RCOR1: variants seen among roughly 807,000 people sequenced by gnomAD.
RCOR1 encodes REST corepressor 1.
A neutral mutation model predicts 64.0 loss-of-function variants in RCOR1; 12 were observed. The observed-to-expected ratio is 0.19, with a 90% CI of 0.12 to 0.30. RCOR1 has a LOEUF of 0.30. RCOR1 is among the 10% of genes least tolerant of loss of function. RCOR1 has a pLI of 1.00. For synonymous variants in RCOR1, 279 were observed against 227.2 expected, an observed-to-expected ratio of 1.23 and a Z score of -2.05; for missense variants, 502 against 621.2, an observed-to-expected ratio of 0.81 and a Z score of 2.04.
chr14:102,726,936 C>T lies in RCOR1; in HGVS notation c.*430C>T, dbSNP rs533479868. On this transcript the variant is annotated 3_prime_UTR_variant, in exon 12 of 12. Transcript: ENST00000262241. ...AGAGTCATTTTCAGAGTCACCGCGACCCTGTTGGCCTTCTAGAAAGTTTCT... is the reference window on the plus strand; with the variant it reads ...AGAGTCATTTTCAGAGTCACCGCGATCCTGTTGGCCTTCTAGAAAGTTTCT... 4 of 167,340 alleles carry T rather than the reference C, an allele frequency of 2.4e-5. No homozygotes were observed. Among genetic ancestry groups the T allele is most frequent in the African/African-American group, 9.5e-5 (4 of 42,036 alleles). 10.4% of individuals were successfully genotyped at this position (167,340 alleles called of 1,614,324 possible). A position where few individuals can be genotyped will look rare whatever the true frequency, so the allele number is the denominator to read the frequency against.
intron 2 of RCOR1, among the ~76,000 whole-genome samples, chr14:102,596,932 G>C (rs1245119508): frequency 6.7e-6 from 1 of 149,528 alleles, no homozygotes; most frequent in East Asian, 2.0e-4. Context: ...GAGTGCAATG[G>C]CACAATCTTG....
chr14:102,597,559 C>A (rs528842443), intron 2 of RCOR1, among the ~76,000 whole-genome samples: 5 of 150,878 alleles, frequency 3.3e-5, no homozygotes, highest in Non-Finnish European at 7.4e-5. Context: ...GAACTCCTGA[C>A]CTCAGGTGAT....
At chr14:102,723,842 G>C (rs567312126) in intron 11 of RCOR1, among the ~76,000 whole-genome samples, 6 of 152,246 alleles carry the variant, frequency 3.9e-5, no homozygotes, top group Admixed American at 1.3e-4. Flanking sequence ...AAACAGTTGG[G>C]AACGCTGGCT....
At chr14:102,605,631 T>G (rs1331192094) in intron 2 of RCOR1, among the ~76,000 whole-genome samples, 1 of 152,234 alleles carries the variant, frequency 6.6e-6, no homozygotes, top group Non-Finnish European at 1.5e-5. Flanking sequence ...ACATAGTACT[T>G]GGTAATGACA....
chr14:102,618,556 C>T (rs1025203034), intron 2 of RCOR1, among the ~76,000 whole-genome samples: 2 of 152,090 alleles, frequency 1.3e-5, no homozygotes, highest in Non-Finnish European at 2.9e-5. Flanking sequence ...TGCCATGAGC[C>T]GTCATCATGC....
chr14:102,701,363 A>T, intron 4 of RCOR1, 33 bp downstream of exon 4: 3 of 1,480,288 alleles, frequency 2.0e-6, no homozygotes, highest in Middle Eastern at 1.8e-4. Flanking sequence ...TTTGCTGTTA[A>T]AAAATGAGTA....
At chr14:102,631,442 A>G (rs576452743) in intron 2 of RCOR1, among the ~76,000 whole-genome samples, 40 of 151,536 alleles carry the variant, frequency 2.6e-4, no homozygotes, top group Non-Finnish European at 4.3e-4. Context: ...TGACCTCATG[A>G]TCCGCCTGCC....
intron 3 of RCOR1, among the ~76,000 whole-genome samples, chr14:102,693,239 C>G (rs1775664801): frequency 6.6e-6 from 1 of 152,094 alleles, no homozygotes; most frequent in Non-Finnish European, 1.5e-5. Flanking sequence ...TCACTTACGA[C>G]AATTGGAATT....
At chr14:102,718,062 A>G (rs1326428363) in intron 8 of RCOR1, among the ~76,000 whole-genome samples, 1 of 152,176 alleles carries the variant, frequency 6.6e-6, no homozygotes, top group Non-Finnish European at 1.5e-5. Context: ...AGCTTAAACA[A>G]TTTAGGGTTT....
chr14:102,724,525 T>C (rs1048288187), intron 11 of RCOR1, among the ~76,000 whole-genome samples: 1 of 152,142 alleles, frequency 6.6e-6, no homozygotes, highest in Non-Finnish European at 1.5e-5. Context: ...AGAGATGGGG[T>C]TTCGGCATGT....
intron 3 of RCOR1, among the ~76,000 whole-genome samples, chr14:102,690,045 A>ATT (rs143029220): frequency 1.3e-5 from 2 of 150,084 alleles, no homozygotes; most frequent in African/African-American, 4.9e-5. Flanking sequence ...GCCCGGCCTG[A>ATT]TTTTTTTTTT....
At chr14:102,629,074 A>G (rs929410529) in intron 2 of RCOR1, among the ~76,000 whole-genome samples, 2 of 151,860 alleles carry the variant, frequency 1.3e-5, no homozygotes, top group African/African-American at 4.8e-5. Context: ...TTTTGTATTC[A>G]ACACGCTGTT....
At chr14:102,726,370 T>C in intron 11 of RCOR1, 98 bp from the exon 12 acceptor site, 5 of 1,088,208 alleles carry the variant, frequency 4.6e-6, no homozygotes, top group Non-Finnish European at 6.6e-6. Flanking sequence ...TCTGCAGGTT[T>C]GCTGGCTACC....
At chr14:102,630,296 C>T (rs1041257604) in intron 2 of RCOR1, among the ~76,000 whole-genome samples, 42 of 152,180 alleles carry the variant, frequency 2.8e-4, no homozygotes, top group African/African-American at 9.9e-4. Flanking sequence ...TCCCCTTCAC[C>T]TTCCGCCATG....
Position 102,630,160 on chromosome 14 carries a change from A to G in RCOR1, c.361+36835A>G, listed in dbSNP as rs557011339. 2.0e-4 allele frequency: 37 copies of G among 186,972 alleles called. No homozygotes were observed. The South Asian group carries it at 5.8e-3, about 30-fold the overall frequency. 11.6% of individuals were successfully genotyped at this position (186,972 alleles called of 1,614,324 possible). On this transcript the variant is annotated intron_variant, in intron 2 of 11. Coordinates refer to ENST00000262241, the MANE Select transcript of RCOR1 (RefSeq NM_015156.4). Reference sequence around the variant, plus strand: ...GGCTGGAACCCTCATAAATAGATTAATGCCCTCCTGGGTGAGGGGTGAGTG... The same window carrying G: ...GGCTGGAACCCTCATAAATAGATTAGTGCCCTCCTGGGTGAGGGGTGAGTG...
At chr14:102,725,764 T>C (rs1285420852) in intron 11 of RCOR1, among the ~76,000 whole-genome samples, 1 of 151,818 alleles carries the variant, frequency 6.6e-6, no homozygotes, top group Non-Finnish European at 1.5e-5. Flanking sequence ...AGTAGATAGG[T>C]TTTGCCTTTT....
chr14:102,669,917 A>G (rs575469249), intron 2 of RCOR1, among the ~76,000 whole-genome samples: 41 of 152,316 alleles, frequency 2.7e-4, no homozygotes, highest in South Asian at 4.1e-4. Context: ...GGATATATTG[A>G]AAGTATGGGT....
At chr14:102,645,227 C>T (rs921432474) in intron 2 of RCOR1, among the ~76,000 whole-genome samples, 2 of 152,092 alleles carry the variant, frequency 1.3e-5, no homozygotes, top group African/African-American at 4.8e-5. Context: ...TCTTAAAATC[C>T]TTAGAAGGCT....
In RCOR1 at chr14:102,726,699, C is replaced by T. The variant is rs1183439223; in HGVS notation, c.*193C>T. 7.0e-6 allele frequency: 4 copies of T among 572,326 alleles called. No individual in the cohort carries two copies. In the Middle Eastern group the frequency reaches 1.1e-3, roughly 156 times the overall value. 35.5% of individuals were successfully genotyped at this position (572,326 alleles called of 1,614,324 possible). A position where few individuals can be genotyped will look rare whatever the true frequency, so the allele number is the denominator to read the frequency against. On this transcript the variant is annotated 3_prime_UTR_variant, in exon 12 of 12. Coordinates refer to ENST00000262241, the MANE Select transcript of RCOR1 (RefSeq NM_015156.4). ...CGTTCCTCCATGTTGGCGCCACTTCCCAGAGAGCTCCACTGCATCTCACAC... is the reference window on the plus strand; with the variant it reads ...CGTTCCTCCATGTTGGCGCCACTTCTCAGAGAGCTCCACTGCATCTCACAC...
Sources: allele counts gnomAD v4.1 joint callset (sites outside exome capture counted in the v4.1 genomes callset), GRCh38; gene constraint gnomAD v4.1.1; transcripts MANE v1.5; gene names NCBI Gene and HGNC (gene_info 2026-07-23, HGNC 2026-07-21).